Variants in COQ8A observed in about 807,000 individuals in gnomAD.
COQ8A encodes the protein coenzyme Q8A, also known as atypical kinase COQ8A, mitochondrial.
A neutral mutation model predicts 65.0 loss-of-function variants in COQ8A; 51 were observed. The ratio of observed to expected loss-of-function variants is 0.78; its 90% CI spans 0.63 to 0.99. The LOEUF (loss-of-function observed/expected upper bound fraction) is 0.99. Ranked by LOEUF, COQ8A falls within the 50% of genes least tolerant of loss-of-function variation. COQ8A has a pLI of 0.00. For synonymous variants in COQ8A, 371 were observed against 353.2 expected (o/e 1.05, Z -0.57); for missense variants, 940 against 875.0 (o/e 1.07, Z -0.94).
intron 5 of COQ8A, among the ~76,000 whole-genome samples, chr1:226,978,941 C>G (rs772425839): frequency 1.6e-4 from 24 of 150,380 alleles, no homozygotes; most frequent in East Asian, 1.6e-3. Flanking sequence ...CCACCACACA[C>G]CCACACACCT....
At chr1:226,953,731 T>C (rs1657524003) in intron 1 of COQ8A, among the ~76,000 whole-genome samples, 1 of 152,204 alleles carries the variant, frequency 6.6e-6, no homozygotes, top group Non-Finnish European at 1.5e-5. Flanking sequence ...GTGAGGATAT[T>C]TCAGGACCTA....
intron 1 of COQ8A, among the ~76,000 whole-genome samples, chr1:226,960,294 GTAC>G (rs1658099100): frequency 6.8e-6 from 1 of 146,628 alleles, no homozygotes; most frequent in African/African-American, 2.5e-5. Context: ...CTTGGTGGTG[GTAC>G]TTGGTGGTGG....
At chr1:226,950,074 G>A (rs1657281043) in intron 1 of COQ8A, among the ~76,000 whole-genome samples, 1 of 152,176 alleles carries the variant, frequency 6.6e-6, no homozygotes, top group Non-Finnish European at 1.5e-5. Context: ...AGGACCTTGC[G>A]CTTGGCTGGT....
chr1:226,962,535 G>C (rs1658313312), intron 2 of COQ8A, among the ~76,000 whole-genome samples: 1 of 152,218 alleles, frequency 6.6e-6, no homozygotes, highest in South Asian at 2.1e-4. Flanking sequence ...CTGTGTGTGT[G>C]CGCTTAGGCA....
intron 1 of COQ8A, among the ~76,000 whole-genome samples, chr1:226,959,656 G>T (rs962262877): frequency 2.6e-5 from 4 of 152,216 alleles, no homozygotes; most frequent in Non-Finnish European, 5.9e-5. Flanking sequence ...AGAAGAACAG[G>T]TTTTGCATCC....
intron 4 of COQ8A, among the ~76,000 whole-genome samples, chr1:226,974,554 A>G (rs973333145): frequency 6.6e-6 from 1 of 152,202 alleles, no homozygotes; most frequent in Non-Finnish European, 1.5e-5. Flanking sequence ...AGTTGCCTCC[A>G]GTGCTGGCTG....
intron 4 of COQ8A, among the ~76,000 whole-genome samples, chr1:226,974,394 G>A (rs940580653): frequency 3.9e-5 from 6 of 152,360 alleles, no homozygotes; most frequent in Middle Eastern, 6.8e-3. Context: ...CCTCCAGGAC[G>A]ACCTTGCTGG....
Position 226,949,459 on chromosome 1 carries a change from T to A in COQ8A, c.-10+9060T>A, listed in dbSNP as rs986500742. On this transcript the variant is annotated intron_variant, in intron 1 of 14. Transcript: ENST00000366777. The surrounding 1 kb of genome is among the most constrained non-coding windows in gnomAD (Gnocchi z 4.0). ...CCCTGAATGTACCTGGACAAAAGCC[T>A]CCCATGCTGTTTTCTCCTTTAAGGT... is the stretch of plus-strand genomic sequence containing the variant. Among the ~76,000 whole-genome samples the A allele has an allele frequency of 6.6e-6, 1 of 152,104 alleles. No individual in the cohort carries two copies. Among genetic ancestry groups the A allele is most frequent in the Non-Finnish European group, 1.5e-5 (1 of 68,022 alleles).
At position 226,971,559 on chromosome 1, in the gene COQ8A, A is replaced by AAG. The variant is rs138538641; in HGVS notation, c.655+5823_655+5824insGA. Among the ~76,000 whole-genome samples, 904 of 151,646 alleles carry AAG rather than the reference A, an allele frequency of 6.0e-3. 15 individuals are homozygous for AAG. Among genetic ancestry groups the AAG allele is most frequent in the African/African-American group, 0.021 (849 of 40,972 alleles). On this transcript the variant is annotated intron_variant, in intron 4 of 14. Transcript: ENST00000366777. Reference sequence around the variant, plus strand: ...AGCTCCATCTCAAAAAGAAAAAGAAAAAAAAGAAAAAAGAGAATATATCAT... The same window carrying AAG: ...AGCTCCATCTCAAAAAGAAAAAGAAAAGAAAAAGAAAAAAGAGAATATATCAT...
rs1290178410 is a variant in COQ8A, at chr1:226,978,558, C to CA, written c.730+1035_730+1036insA. ...CACCTCCTTACCCTCCACACACCCC[C>CA]CACAGCCACACACCACCTTACACAC... On this transcript the variant is annotated intron_variant, in intron 5 of 14. Coordinates refer to ENST00000366777, the MANE Select transcript of COQ8A (RefSeq NM_020247.5). Among the ~76,000 whole-genome samples the CA allele has an allele frequency of 4.2e-3, 347 of 82,372 alleles. 4 individuals are homozygous for CA. The highest frequency in any genetic ancestry group is 7.6e-3 in the Middle Eastern group (1 of 132). 54.0% of individuals were successfully genotyped at this position (82,372 alleles called of 152,430 possible).
At position 226,982,887 on chromosome 1, in the gene COQ8A, C is replaced by T; in HGVS notation, c.940-7C>T. On this transcript the variant is annotated splice_region_variant and splice_polypyrimidine_tract_variant and intron_variant, in intron 7 of 14. Coordinates refer to ENST00000366777, the MANE Select transcript of COQ8A (RefSeq NM_020247.5). ...GCTCAGAGCCCCTCCCTGGCCCTGC[C>T]CTTCAGAAAACTCTCAACAACGACC... 6.2e-7 allele frequency: 1 copy of T among 1,612,754 alleles called. No homozygotes were observed.
At chr1:226,980,536 G>C (rs1659621866) in intron 5 of COQ8A, among the ~76,000 whole-genome samples, 1 of 152,248 alleles carries the variant, frequency 6.6e-6, no homozygotes, top group South Asian at 2.1e-4. Context: ...GGCCTAGGGG[G>C]CAGAGGGGAC....
chr1:226,979,461 C>A (rs970242357), intron 5 of COQ8A, among the ~76,000 whole-genome samples: 3 of 152,194 alleles, frequency 2.0e-5, no homozygotes, highest in Non-Finnish European at 2.9e-5. Context: ...GCCAAGGGAA[C>A]CGTCTGCGTG....
At position 226,984,179 on chromosome 1, in the gene COQ8A, G is replaced by A; in HGVS notation, c.1342G>A (p.Val448Met). 1 of 1,613,858 alleles carries A rather than the reference G, an allele frequency of 6.2e-7. No individual in the cohort carries two copies. The highest frequency in any genetic ancestry group is 1.3e-5 in the African/African-American group (1 of 75,050). Residue 448 changes from valine (V) to methionine (M), a missense_variant, in exon 11 of 15, where the codon GTG becomes ATG. Physicochemically the swap from Val to Met is conservative, Grantham distance 21. Coordinates refer to ENST00000366777, the MANE Select transcript of COQ8A (RefSeq NM_020247.5). ...CCCACATGTGCTGACCACAGAGCTG[G>A]TGTCTGGCTTCCCCCTGGACCAGGC... ...CSPHVLTTEL[V>M]SGFPLDQAEG...
rs1187809833 is a variant in COQ8A, at chr1:226,987,416, C to G, written c.*679C>G. The G allele has an allele frequency of 6.5e-6, 1 of 152,822 alleles. No homozygotes were observed. The highest frequency in any genetic ancestry group is 1.5e-5 in the Non-Finnish European group (1 of 68,524). The allele number at this position is 152,822 out of a possible 1,614,324, so 9.5% of individuals were successfully genotyped here. ...GCGGGGTGGGACTTCCTTCCTCTGT[C>G]CGGAGAGGCACAGGTGTCACCAGTT... On this transcript the variant is annotated 3_prime_UTR_variant, in exon 15 of 15. Coordinates refer to ENST00000366777, the MANE Select transcript of COQ8A (RefSeq NM_020247.5).
chr1:226,984,042 G>C (rs575275341), intron 10 of COQ8A, 52 bp from the exon 11 acceptor site: 3 of 1,501,146 alleles, frequency 2.0e-6, no homozygotes, highest in African/African-American at 1.4e-5. Flanking sequence ...TGTGGGGGGG[G>C]GGACGGTGTG....
chr1:226,984,667 G>A lies in COQ8A; in HGVS notation c.1506+12G>A, dbSNP rs922061872. ...CCCAGCAGCACAAGGTGAGCCCCAG[G>A]GTGGGGGCACCCGCAGCCAGGCCTG... On this transcript the variant is annotated intron_variant, in intron 12 of 14. Coordinates refer to ENST00000366777, the MANE Select transcript of COQ8A (RefSeq NM_020247.5). 2.5e-6 allele frequency: 4 copies of A among 1,610,966 alleles called. No homozygotes were observed. Among genetic ancestry groups the A allele is most frequent in the Admixed American group, 1.7e-5 (1 of 60,024 alleles).
chr1:226,978,501 C>A (rs1264672139), intron 5 of COQ8A, among the ~76,000 whole-genome samples: 2 of 147,484 alleles, frequency 1.4e-5, no homozygotes, highest in African/African-American at 5.0e-5. Context: ...TACACATCCT[C>A]CACACACCCA....
At chr1:226,980,932 C>T (rs1659647307) in intron 5 of COQ8A, among the ~76,000 whole-genome samples, 1 of 152,256 alleles carries the variant, frequency 6.6e-6, no homozygotes, top group East Asian at 1.9e-4. Context: ...CTCTCTCTTC[C>T]CCTGCTGGGG....
Sources: allele counts gnomAD v4.1 joint callset (sites outside exome capture counted in the v4.1 genomes callset), GRCh38; gene constraint gnomAD v4.1.1; non-coding constraint Gnocchi (gnomAD v3.1); transcripts MANE v1.5; gene names NCBI Gene and HGNC (gene_info 2026-07-23, HGNC 2026-07-21).